Variants in MACROD2 observed in about 807,000 individuals in gnomAD.
MACROD2 encodes the protein mono-ADP ribosylhydrolase 2.
In MACROD2, 36 loss-of-function variants were observed where a neutral mutation model predicts 70.4. The observed-to-expected ratio is 0.51, with a 90% CI of 0.39 to 0.68. The LOEUF is 0.68. MACROD2 is among the 30% of genes least tolerant of loss of function. The pLI is 0.00. For missense variants in MACROD2, 496 were observed against 538.4 expected (o/e 0.92, Z 0.78); for synonymous variants, 172 against 178.8 (o/e 0.96, Z 0.30).
At chr20:15,634,804 C>G (rs891011654) in intron 8 of MACROD2, among the ~76,000 whole-genome samples, 8 of 152,206 alleles carry the variant, frequency 5.3e-5, no homozygotes, top group Middle Eastern at 3.2e-3. Context: ...ACTTTCCTGA[C>G]TCCTTTGCAG....
chr20:14,920,566 G>A (rs1568875882), intron 5 of MACROD2, among the ~76,000 whole-genome samples: 1 of 152,054 alleles, frequency 6.6e-6, no homozygotes, highest in Non-Finnish European at 1.5e-5. Flanking sequence ...ATAAATTATT[G>A]AAGACAGAAC....
intron 5 of MACROD2, among the ~76,000 whole-genome samples, chr20:14,911,222 A>C (rs2074023134): frequency 6.6e-6 from 1 of 152,196 alleles, no homozygotes. Flanking sequence ...AGGAATACAT[A>C]GTTTAACCAG....
At chr20:15,066,230 C>G (rs1002210221) in intron 5 of MACROD2, among the ~76,000 whole-genome samples, 12 of 151,758 alleles carry the variant, frequency 7.9e-5, no homozygotes, top group African/African-American at 2.9e-4. Flanking sequence ...CTCCTGGGTT[C>G]AAGTGATTCT....
At chr20:14,068,269 A>AC (rs1413332850) in intron 2 of MACROD2, among the ~76,000 whole-genome samples, 3 of 105,556 alleles carry the variant, frequency 2.8e-5, no homozygotes, top group Admixed American at 9.8e-5. Context: ...CGCACCCCCC[A>AC]CCCCCCCTGT....
rs2075484515 is a variant in MACROD2, at chr20:15,056,222, G to T, written c.419-173718G>T. Among the ~76,000 whole-genome samples, 3 of 152,154 alleles carry T rather than the reference G, an allele frequency of 2.0e-5. 1 individual carries two copies. Among genetic ancestry groups the T allele is most frequent in the Admixed American group, 2.0e-4 (3 of 15,282 alleles). On this transcript the variant is annotated intron_variant, in intron 5 of 17. Coordinates refer to ENST00000684519, the MANE Select transcript of MACROD2 (RefSeq NM_001351661.2). ...GCACTCTTCTCTCATGAAATTAGAG[G>T]AGCTGAGGGAGCTAAGCATTTCTAA...
At chr20:14,148,448 A>T (rs1306502137) in intron 3 of MACROD2, among the ~76,000 whole-genome samples, 1 of 152,138 alleles carries the variant, frequency 6.6e-6, no homozygotes, top group Admixed American at 6.5e-5. Context: ...ATTTTGTAGG[A>T]TTTATTTTAT....
At chr20:15,771,302 G>A (rs984675662) in intron 8 of MACROD2, among the ~76,000 whole-genome samples, 41 of 151,496 alleles carry the variant, frequency 2.7e-4, no homozygotes, top group Non-Finnish European at 4.9e-4. Flanking sequence ...AGCCTCCAAG[G>A]TAGCTGGGAC....
intron 4 of MACROD2, among the ~76,000 whole-genome samples, chr20:14,662,090 C>T (rs1986254881): frequency 6.6e-6 from 1 of 152,020 alleles, no homozygotes. Flanking sequence ...AAGGACATTG[C>T]TGGGACAATT....
chr20:14,888,009 A>G (rs1425892826), intron 5 of MACROD2: 3 of 152,148 alleles, frequency 2.0e-5, no homozygotes, highest in Non-Finnish European at 2.9e-5. Flanking sequence ...CAGTCACATG[A>G]TGACATTTTG....
intron 5 of MACROD2, among the ~76,000 whole-genome samples, chr20:14,855,625 T>TTTC (rs2073247271): frequency 4.0e-5 from 5 of 125,360 alleles, no homozygotes; most frequent in African/African-American, 1.4e-4. Flanking sequence ...TTTTTTTTTT[T>TTTC]TTAATAAGGC....
chr20:14,710,242 A>G (rs890764965), intron 5 of MACROD2, among the ~76,000 whole-genome samples: 3 of 152,078 alleles, frequency 2.0e-5, no homozygotes, highest in African/African-American at 7.2e-5. Context: ...CACCATAATC[A>G]ACAGGGAAAC....
intron 13 of MACROD2, among the ~76,000 whole-genome samples, chr20:15,984,306 A>T (rs2066445513): frequency 1.3e-5 from 2 of 152,110 alleles, no homozygotes; most frequent in Admixed American, 6.5e-5. Context: ...TTAAAACAAT[A>T]ATTTTTTTAA....
chr20:15,760,734 T>C (rs1186360034), intron 8 of MACROD2, among the ~76,000 whole-genome samples: 1 of 152,138 alleles, frequency 6.6e-6, no homozygotes, highest in Non-Finnish European at 1.5e-5. Context: ...CTGCACACTG[T>C]TTTTCAGCTC....
chr20:15,452,828 T>C (rs950273790), intron 7 of MACROD2, among the ~76,000 whole-genome samples: 1 of 152,158 alleles, frequency 6.6e-6, no homozygotes, highest in African/African-American at 2.4e-5. Flanking sequence ...CCATTTCACC[T>C]CTCCCAGACA....
rs1555791158 is a variant in MACROD2, at chr20:15,191,916, G to GTGTA, written c.419-38023_419-38022insGTAT. 7.9e-5 allele frequency among the ~76,000 whole-genome samples: 5 copies of GTGTA among 63,416 alleles called. No homozygotes were observed. In the South Asian group the frequency reaches 2.3e-3, roughly 29 times the overall value. The allele number at this position is 63,416 out of a possible 152,430, so 41.6% of individuals were successfully genotyped here. On this transcript the variant is annotated intron_variant, in intron 5 of 17. Transcript: ENST00000684519. ...AAAATTTAGAAAACTACACATATGT[G>GTGTA]TATATATATATATATAGAGAGAGAG...
At chr20:14,034,452 G>A (rs573622983) in intron 2 of MACROD2, among the ~76,000 whole-genome samples, 293 of 152,262 alleles carry the variant, frequency 1.9e-3, no homozygotes, top group Admixed American at 3.4e-3. Context: ...ATGTCTGTAA[G>A]AATAATTTCC....
At chr20:15,253,202 G>A (rs929329896) in intron 6 of MACROD2, among the ~76,000 whole-genome samples, 3 of 152,158 alleles carry the variant, frequency 2.0e-5, no homozygotes, top group African/African-American at 7.2e-5. Context: ...GGGCTTCGGT[G>A]TGGCTACCAC....
chr20:14,309,119 T>C (rs1014973485), intron 3 of MACROD2, among the ~76,000 whole-genome samples: 1 of 151,972 alleles, frequency 6.6e-6, no homozygotes, highest in East Asian at 1.9e-4. Context: ...AAGATCTACA[T>C]TTGGAAATGG....
At chr20:15,627,357 C>T (rs1394905774) in intron 8 of MACROD2, among the ~76,000 whole-genome samples, 1 of 152,028 alleles carries the variant, frequency 6.6e-6, no homozygotes, top group Non-Finnish European at 1.5e-5. Flanking sequence ...TTCTTCCTGC[C>T]CCACTGCACA....
Sources: gnomAD v4.1 joint callset for allele counts (sites outside exome capture counted in the v4.1 genomes callset) on GRCh38, gnomAD v4.1.1 for gene constraint, MANE v1.5 for transcripts, NCBI Gene and HGNC (gene_info 2026-07-23, HGNC 2026-07-21) for gene names.